Variants in ZMYND11 observed in about 807,000 individuals in gnomAD.
The protein encoded by ZMYND11 is zinc finger MYND domain-containing protein 11.
A neutral mutation model predicts 84.9 loss-of-function variants in ZMYND11; 9 were observed. That is an observed-to-expected ratio of 0.11 (90% CI 0.06 to 0.18). The LOEUF is 0.18. ZMYND11 is among the 10% of genes least tolerant of loss of function. The probability of loss-of-function intolerance (pLI) is 1.00; values close to 1 mark genes in which losing one functional copy is unlikely to be tolerated. For synonymous variants in ZMYND11, 250 were observed against 244.1 expected, an observed-to-expected ratio of 1.02 and a Z score of -0.23; for missense variants, 409 against 761.0, an observed-to-expected ratio of 0.54 and a Z score of 5.44.
Position 236,810 on chromosome 10 carries a change from CCTTTTTTT to C in ZMYND11, c.439-27_439-20del. On this transcript the variant is annotated intron_variant, in intron 4 of 14. Coordinates refer to ENST00000381604, the MANE Select transcript of ZMYND11 (RefSeq NM_001370100.5). ...GACATAAGAATGATCAGATTTTGTA[CCTTTTTTT>C]ATTCTTTTTTTTTCAATAGAGCATT... 1 of 1,579,446 alleles carries C rather than the reference CCTTTTTTT, an allele frequency of 6.3e-7. No individual in the cohort carries two copies. Among genetic ancestry groups the C allele is most frequent in the Non-Finnish European group, 8.7e-7 (1 of 1,152,302 alleles).
At chr10:172,078 G>A (rs1426234834) in intron 1 of ZMYND11, among the ~76,000 whole-genome samples, 3 of 152,168 alleles carry the variant, frequency 2.0e-5, no homozygotes, top group African/African-American at 7.2e-5. Flanking sequence ...AGATGGAATG[G>A]CCAGGCACGT....
At chr10:242,181 TG>T in intron 10 of ZMYND11, 42 bp downstream of exon 10, 2 of 1,605,588 alleles carry the variant, frequency 1.2e-6, no homozygotes, top group Non-Finnish European at 1.7e-6. Context: ...GCTGTGCTTA[TG>T]AAGTCCTTAA....
Position 252,779 on chromosome 10 carries a change from T to C in ZMYND11, c.*309T>C. The C allele has an allele frequency of 4.5e-6, 1 of 222,928 alleles. No individual in the cohort carries two copies. Among genetic ancestry groups the C allele is most frequent in the South Asian group, 8.5e-5 (1 of 11,824 alleles). The allele number at this position is 222,928 out of a possible 1,614,324, so 13.8% of individuals were successfully genotyped here. ...GAGATTTTAACCTTTAAACAACAGA[T>C]CTTTAAAAAACAGGTGAATACAAGT... On this transcript the variant is annotated 3_prime_UTR_variant, in exon 15 of 15. Coordinates refer to ENST00000381604, the MANE Select transcript of ZMYND11 (RefSeq NM_001370100.5). The surrounding 1 kb of genome is among the most constrained non-coding windows in gnomAD (Gnocchi z 4.6).
chr10:181,972 T>TA (rs575357199), intron 2 of ZMYND11, among the ~76,000 whole-genome samples: 111 of 152,324 alleles, frequency 7.3e-4, no homozygotes, highest in Non-Finnish European at 1.1e-3. Context: ...ATCCTTTACA[T>TA]AAAAATTGCT....
At chr10:186,542 GAGGCAGGAGAATCAC>G (rs1938511950) in intron 2 of ZMYND11, among the ~76,000 whole-genome samples, 1 of 151,044 alleles carries the variant, frequency 6.6e-6, no homozygotes, top group Non-Finnish European at 1.5e-5. Context: ...TTGGGAGGCT[GAGGCAGGAGAATCAC>G]TTGAATCTGG....
Position 247,323 on chromosome 10 carries a change from T to G in ZMYND11, c.1159-75T>G, listed in dbSNP as rs1952354472. On this transcript the variant is annotated intron_variant, in intron 11 of 14. Transcript: ENST00000381604. ...AATGTATTCACTTCTCACCTGTGGG[T>G]CCACTATGAGTGTTTTCAGCAGAGA... 5.3e-6 allele frequency: 8 copies of G among 1,499,266 alleles called. No individual in the cohort carries two copies. In the East Asian group the frequency reaches 1.9e-4, roughly 35 times the overall value. The allele number at this position is 1,499,266 out of a possible 1,614,324, so 92.9% of individuals were successfully genotyped here.
At chr10:186,901 C>T (rs990975059) in intron 2 of ZMYND11, among the ~76,000 whole-genome samples, 1 of 152,006 alleles carries the variant, frequency 6.6e-6, no homozygotes, top group African/African-American at 2.4e-5. Context: ...AAAGAGAGTT[C>T]CGAGTCTTTT....
rs1950599963 is a variant in ZMYND11, at chr10:239,990, G to T, written c.698-66G>T. 1.2e-5 allele frequency: 17 copies of T among 1,383,910 alleles called. No homozygotes were observed. The East Asian group carries it at 4.0e-4, about 33-fold the overall frequency. 85.7% of individuals were successfully genotyped at this position (1,383,910 alleles called of 1,614,324 possible). ...CTACTTTTGCAAACTGAAAGAAAAG[G>T]ATAGTAACTTTGAGTCTTGTATTTG... On this transcript the variant is annotated intron_variant, in intron 7 of 14. Coordinates refer to ENST00000381604, the MANE Select transcript of ZMYND11 (RefSeq NM_001370100.5).
rs115640098 is a variant in ZMYND11, at chr10:180,218, C to G, written c.116+90C>G. 1.2e-3 allele frequency: 1,051 copies of G among 885,936 alleles called. 6 individuals carry two copies. The African/African-American group carries it at 0.015, about 13-fold the overall frequency. 54.9% of individuals were successfully genotyped at this position (885,936 alleles called of 1,614,324 possible). A position where few individuals can be genotyped will look rare whatever the true frequency, so the allele number is the denominator to read the frequency against. On this transcript the variant is annotated intron_variant, in intron 2 of 14. Coordinates refer to ENST00000381604, the MANE Select transcript of ZMYND11 (RefSeq NM_001370100.5). ...AAAAAATTTTATCTGTTATGCTAAT[C>G]AACATATATTACAAAGAACTGAAGA...
intron 4 of ZMYND11, among the ~76,000 whole-genome samples, chr10:223,521 A>G (rs979696660): frequency 6.6e-5 from 10 of 152,182 alleles, no homozygotes; most frequent in African/African-American, 2.4e-4. Context: ...GATGCTGTCA[A>G]TAAAAATCTT....
chr10:223,835 A>G (rs1947593247), intron 4 of ZMYND11, among the ~76,000 whole-genome samples: 1 of 152,166 alleles, frequency 6.6e-6, no homozygotes, highest in African/African-American at 2.4e-5. Context: ...CTTTGAGTAA[A>G]GCCGTTTTTT....
chr10:189,212 C>A (rs557178677), intron 2 of ZMYND11, among the ~76,000 whole-genome samples: 13 of 152,292 alleles, frequency 8.5e-5, no homozygotes, highest in African/African-American at 3.1e-4. Flanking sequence ...TATACATAAA[C>A]GCAAACTGTA....
chr10:187,582 C>T (rs1178563277), intron 2 of ZMYND11, among the ~76,000 whole-genome samples: 3 of 150,938 alleles, frequency 2.0e-5, no homozygotes, highest in Non-Finnish European at 2.9e-5. Flanking sequence ...TGCAGTGAGC[C>T]GAGATTGCGC....
At chr10:172,376 C>G (rs530205712) in intron 1 of ZMYND11, among the ~76,000 whole-genome samples, 2 of 152,126 alleles carry the variant, frequency 1.3e-5, no homozygotes, top group South Asian at 4.2e-4. Flanking sequence ...ACAAAAACAC[C>G]CTGGAACTAC....
chr10:172,132 G>A (rs1365854792), intron 1 of ZMYND11, among the ~76,000 whole-genome samples: 1 of 152,132 alleles, frequency 6.6e-6, no homozygotes, highest in African/African-American at 2.4e-5. Flanking sequence ...ATTCATGAGG[G>A]CAGAGCCCCC....
intron 6 of ZMYND11, among the ~76,000 whole-genome samples, chr10:238,432 C>T (rs1045863773): frequency 2.6e-5 from 4 of 152,178 alleles, no homozygotes; most frequent in Admixed American, 2.6e-4. Context: ...TCTTGGCTCA[C>T]TGCAAGCTCT....
rs187245315 is a variant in ZMYND11, at chr10:237,557, T to A, written c.517-28T>A. 152 of 1,443,714 alleles carry A rather than the reference T, an allele frequency of 1.1e-4. 1 individual carries two copies. In the East Asian group the frequency reaches 2.1e-3, roughly 20 times the overall value. 89.4% of individuals were successfully genotyped at this position (1,443,714 alleles called of 1,614,324 possible). On this transcript the variant is annotated intron_variant, in intron 5 of 14. Coordinates refer to ENST00000381604, the MANE Select transcript of ZMYND11 (RefSeq NM_001370100.5). ...CTTACCTGCCTTCCTTTAACCACATTTAAATTGATGTACTAACACCCTCTT... is the reference window on the plus strand; with the variant it reads ...CTTACCTGCCTTCCTTTAACCACATATAAATTGATGTACTAACACCCTCTT...
intron 3 of ZMYND11, among the ~76,000 whole-genome samples, chr10:214,628 T>A (rs1285073906): frequency 6.6e-6 from 1 of 152,220 alleles, no homozygotes; most frequent in African/African-American, 2.4e-5. Flanking sequence ...CTGAGTGAAA[T>A]TTTGTGATAT....
chr10:183,100 G>A (rs1848217815), intron 2 of ZMYND11, among the ~76,000 whole-genome samples: 1 of 152,222 alleles, frequency 6.6e-6, no homozygotes, highest in South Asian at 2.1e-4. Context: ...AAAGTTGTGG[G>A]CTTTGGGGTG....
Sources: gnomAD v4.1 joint callset for allele counts (sites outside exome capture counted in the v4.1 genomes callset) on GRCh38, gnomAD v4.1.1 for gene constraint, Gnocchi (gnomAD v3.1) non-coding constraint, MANE v1.5 for transcripts, NCBI Gene and HGNC (gene_info 2026-07-23, HGNC 2026-07-21) for gene names.